STK3: variants seen among roughly 807,000 people sequenced by gnomAD.
The protein encoded by STK3 is serine/threonine kinase 3.
In STK3, 41 loss-of-function variants were observed where a neutral mutation model predicts 58.0. That is an observed-to-expected ratio of 0.71 (90% CI 0.55 to 0.92). The LOEUF (loss-of-function observed/expected upper bound fraction) is 0.92. Ranked by LOEUF, STK3 falls within the 40% of genes least tolerant of loss-of-function variation. The pLI is 0.00. For missense variants in STK3, 479 were observed against 602.7 expected (o/e 0.79, Z 2.15); for synonymous variants, 170 against 191.0 (o/e 0.89, Z 0.91).
intron 10 of STK3, among the ~76,000 whole-genome samples, chr8:98,508,745 A>C (rs1465989092): frequency 6.6e-6 from 1 of 152,166 alleles, no homozygotes; most frequent in African/African-American, 2.4e-5. Context: ...ATGGGAAAAC[A>C]AATTTAAAAT....
chr8:98,454,193 A>G (rs886706808), downstream of STK3, among the ~76,000 whole-genome samples: 1 of 152,232 alleles, frequency 6.6e-6, no homozygotes, highest in Non-Finnish European at 1.5e-5. Flanking sequence ...GACAGACATT[A>G]GTGAACTCAT....
At chr8:98,893,486 G>GAAAGAA (rs776247646) in intron 1 of STK3, among the ~76,000 whole-genome samples, 120 of 42,790 alleles carry the variant, frequency 2.8e-3, no homozygotes, top group Admixed American at 3.7e-3. Flanking sequence ...AAGAAAGAAA[G>GAAAGAA]AGAAAGAAAG....
At chr8:98,778,004 G>T (rs971004238) in intron 1 of STK3, among the ~76,000 whole-genome samples, 1 of 152,162 alleles carries the variant, frequency 6.6e-6, no homozygotes, top group Non-Finnish European at 1.5e-5. Context: ...AAAAGCAATG[G>T]CAACGAAAGC....
At chr8:98,537,076 A>G (rs1563715838) in intron 9 of STK3, among the ~76,000 whole-genome samples, 3 of 152,234 alleles carry the variant, frequency 2.0e-5, no homozygotes, top group Non-Finnish European at 4.4e-5. Flanking sequence ...AAAAGTTTTA[A>G]AAGCAACTTA....
intron 4 of STK3, among the ~76,000 whole-genome samples, chr8:98,737,175 A>T (rs1353427172): frequency 6.6e-6 from 1 of 152,192 alleles, no homozygotes; most frequent in Non-Finnish European, 1.5e-5. Context: ...TAAAGCTGTC[A>T]ATAAAGTTTT....
At chr8:98,757,187 CTT>C (rs143609174) in intron 3 of STK3, among the ~76,000 whole-genome samples, 1 of 146,184 alleles carries the variant, frequency 6.8e-6, no homozygotes, top group Admixed American at 6.8e-5. Context: ...ATAAAGCATA[CTT>C]TTTTTTTTTG....
At chr8:98,529,158 T>C (rs924674410) in intron 9 of STK3, among the ~76,000 whole-genome samples, 2 of 152,228 alleles carry the variant, frequency 1.3e-5, no homozygotes, top group African/African-American at 4.8e-5. Context: ...AAGGTCATTT[T>C]GGTCAAAAGA....
intron 2 of STK3, among the ~76,000 whole-genome samples, chr8:98,375,080 A>C (rs867567168): frequency 1.3e-5 from 1 of 76,704 alleles, no homozygotes; most frequent in Non-Finnish European, 3.1e-5. Context: ...TGTCTACAAA[A>C]AAACAAACAA....
intron 10 of STK3, among the ~76,000 whole-genome samples, chr8:98,506,369 C>T (rs982903022): frequency 1.3e-5 from 2 of 152,166 alleles, no homozygotes; most frequent in East Asian, 3.9e-4. Flanking sequence ...TGAGGTGATG[C>T]CCTGCCCTGC....
At chr8:98,390,154 T>C (rs1378647054), upstream of STK3, among the ~76,000 whole-genome samples, 1 of 152,226 alleles carries the variant, frequency 6.6e-6, no homozygotes, top group Non-Finnish European at 1.5e-5. Flanking sequence ...TTTCATCTGG[T>C]ATAATTTTTC....
intron 9 of STK3, among the ~76,000 whole-genome samples, chr8:98,536,425 T>C (rs186717936): frequency 2.5e-4 from 38 of 152,180 alleles, no homozygotes; most frequent in Admixed American, 2.1e-3. Context: ...ACAAACACCA[T>C]ATTCCAGTCT....
upstream of STK3, among the ~76,000 whole-genome samples, chr8:98,389,185 T>C (rs1240476731): frequency 6.6e-6 from 1 of 152,214 alleles, no homozygotes; most frequent in East Asian, 1.9e-4. Context: ...ACCTTTCCTT[T>C]TACCTCCAGC....
At chr8:98,560,221 G>C (rs1415838378) in intron 8 of STK3, among the ~76,000 whole-genome samples, 1 of 151,948 alleles carries the variant, frequency 6.6e-6, no homozygotes, top group East Asian at 1.9e-4. Context: ...AGAAAACTGA[G>C]GTCTAGTTAG....
intron 10 of STK3, among the ~76,000 whole-genome samples, chr8:98,505,843 C>T (rs1404517031): frequency 6.6e-6 from 1 of 152,324 alleles, no homozygotes; most frequent in Admixed American, 6.5e-5. Flanking sequence ...AGTTAGGCTA[C>T]ACAGGGGTCA....
chr8:98,601,714 G>C (rs993518360), intron 6 of STK3: 7 of 152,200 alleles, frequency 4.6e-5, no homozygotes, highest in African/African-American at 1.7e-4. Flanking sequence ...GATTTCAGCT[G>C]AGTCATAAAG....
At chr8:98,726,479 T>C (rs1827806137) in intron 4 of STK3, among the ~76,000 whole-genome samples, 1 of 152,168 alleles carries the variant, frequency 6.6e-6, no homozygotes, top group Non-Finnish European at 1.5e-5. Context: ...CCACAATGCA[T>C]ATCCTGTTAA....
chr8:98,653,413 A>G (rs1320463013), intron 6 of STK3, among the ~76,000 whole-genome samples: 2 of 152,204 alleles, frequency 1.3e-5, no homozygotes, highest in Non-Finnish European at 1.5e-5. Context: ...TAATATCACA[A>G]TTAAAAGAAC....
chr8:98,429,355 T>G, intron 3 of STK3: 3 of 1,614,140 alleles, frequency 1.9e-6, no homozygotes, highest in Non-Finnish European at 2.5e-6. Flanking sequence ...ATGGCAAGCC[T>G]GACGAACATG....
intron 6 of STK3, among the ~76,000 whole-genome samples, chr8:98,614,309 C>A: frequency 6.6e-6 from 1 of 152,044 alleles, no homozygotes; most frequent in Non-Finnish European, 1.5e-5. Context: ...TTTTAAAGAA[C>A]TGAACAGAGT....
Sources: gnomAD v4.1 joint callset for allele counts (sites outside exome capture counted in the v4.1 genomes callset) on GRCh38, gnomAD v4.1.1 for gene constraint, MANE v1.5 for transcripts, NCBI Gene and HGNC (gene_info 2026-07-23, HGNC 2026-07-21) for gene names.